ARHGAP42: variants seen among roughly 807,000 people sequenced by gnomAD.
The protein encoded by ARHGAP42 is Rho GTPase activating protein 42.
ARHGAP42 carries 63 observed loss-of-function variants against 125.0 expected under a neutral mutation model. The ratio of observed to expected loss-of-function variants is 0.50; its 90% CI spans 0.41 to 0.62. ARHGAP42 has a LOEUF of 0.62. Ranked by LOEUF, ARHGAP42 falls within the 20% of genes least tolerant of loss-of-function variation. The pLI, the probability that ARHGAP42 is intolerant of heterozygous loss-of-function variation, is 0.00. For missense variants in ARHGAP42, 766 were observed against 1,024.2 expected (o/e 0.75, Z 3.44); for synonymous variants, 339 against 351.0 (o/e 0.97, Z 0.38).
intron 5 of ARHGAP42, among the ~76,000 whole-genome samples, chr11:100,919,490 T>C (rs944033592): frequency 6.6e-6 from 1 of 151,938 alleles, no homozygotes; most frequent in African/African-American, 2.4e-5. Context: ...AAAAAAAACA[T>C]TTTAGACTCT....
chr11:100,857,089 GA>G (rs1357379157), intron 3 of ARHGAP42, among the ~76,000 whole-genome samples: 4 of 152,010 alleles, frequency 2.6e-5, no homozygotes, highest in Non-Finnish European at 5.9e-5. Context: ...TGACGCATTA[GA>G]AACACTCAAG....
intron 1 of ARHGAP42, among the ~76,000 whole-genome samples, chr11:100,711,944 A>C (rs1353371094): frequency 6.6e-6 from 1 of 152,258 alleles, no homozygotes; most frequent in Non-Finnish European, 1.5e-5. Flanking sequence ...GGCTAATTAA[A>C]GGTGTACTGA....
intron 3 of ARHGAP42, among the ~76,000 whole-genome samples, chr11:100,839,095 C>T (rs536480364): frequency 1.1e-4 from 16 of 152,156 alleles, no homozygotes; most frequent in African/African-American, 3.6e-4. Context: ...ATGGCAGCCT[C>T]GCATCCCTTC....
At chr11:100,813,287 A>G (rs535949690) in intron 3 of ARHGAP42, among the ~76,000 whole-genome samples, 5 of 152,242 alleles carry the variant, frequency 3.3e-5, no homozygotes, top group Non-Finnish European at 2.9e-5. Context: ...GAGGTACTCT[A>G]CTTCCCCTTA....
Position 100,738,987 on chromosome 11 carries a change from A to T in ARHGAP42, c.155-31356A>T, listed in dbSNP as rs1184248101. On this transcript the variant is annotated intron_variant, in intron 1 of 23. Transcript: ENST00000298815. ...AAAGAAAGCATGTATTTCAGAACTT[A>T]GGAAAAAAGCTGTTTGTTAAGCCCA... Among the ~76,000 whole-genome samples, 4 of 152,218 alleles carry T rather than the reference A, an allele frequency of 2.6e-5. No homozygotes were observed. The East Asian group carries it at 7.7e-4, about 29-fold the overall frequency.
At chr11:100,838,826 A>G (rs533260354) in intron 3 of ARHGAP42, among the ~76,000 whole-genome samples, 19 of 152,334 alleles carry the variant, frequency 1.2e-4, no homozygotes, top group Non-Finnish European at 2.6e-4. Context: ...AGTCATTGAC[A>G]GGGGCAAAAA....
chr11:100,849,820 G>C (rs1865160243), intron 3 of ARHGAP42, among the ~76,000 whole-genome samples: 2 of 152,142 alleles, frequency 1.3e-5, no homozygotes, highest in South Asian at 4.1e-4. Context: ...CATGTTTCCT[G>C]TGTTTATTTA....
intron 3 of ARHGAP42, among the ~76,000 whole-genome samples, chr11:100,819,514 C>T (rs889160141): frequency 6.6e-6 from 1 of 152,022 alleles, no homozygotes; most frequent in Non-Finnish European, 1.5e-5. Flanking sequence ...CTGAGTTTAG[C>T]TTGCAATGTT....
At chr11:100,826,899 C>T (rs966469750) in intron 3 of ARHGAP42, among the ~76,000 whole-genome samples, 6 of 151,416 alleles carry the variant, frequency 4.0e-5, no homozygotes, top group African/African-American at 1.2e-4. Flanking sequence ...AAGTTAATTA[C>T]ACAATTCTTT....
At chr11:100,979,930 A>G (rs1858488896) in intron 22 of ARHGAP42, among the ~76,000 whole-genome samples, 1 of 152,206 alleles carries the variant, frequency 6.6e-6, no homozygotes, top group Non-Finnish European at 1.5e-5. Flanking sequence ...ATTTAACCAA[A>G]TAATTTTTAT....
rs1858732614 is a variant in ARHGAP42 at position 100,988,099 on chromosome 11, G to A, written c.2536+507G>A. ...GCTGAGATGGCACCACTGCACTCCA[G>A]CCTGGCAACACAGCAAGACTCTGTC... On this transcript the variant is annotated intron_variant, in intron 23 of 23. Coordinates refer to ENST00000298815, the MANE Select transcript of ARHGAP42 (RefSeq NM_152432.4). Among the ~76,000 whole-genome samples, 2 of 152,144 alleles carry A rather than the reference G, an allele frequency of 1.3e-5. 1 individual carries two copies. Among genetic ancestry groups the A allele is most frequent in the South Asian group, 4.1e-4 (2 of 4,830 alleles).
intron 10 of ARHGAP42, 60 bp from the exon 11 acceptor site, chr11:100,948,397 T>TAAA: frequency 8.3e-7 from 1 of 1,199,498 alleles, no homozygotes; most frequent in Non-Finnish European, 1.1e-6. Flanking sequence ...TCTTTTTAGT[T>TAAA]AACTGAGAAT....
intron 5 of ARHGAP42, among the ~76,000 whole-genome samples, chr11:100,918,800 A>G (rs893092605): frequency 3.9e-5 from 6 of 152,194 alleles, no homozygotes; most frequent in South Asian, 2.1e-4. Context: ...GAAAACACCT[A>G]TAAGTGGCAA....
intron 1 of ARHGAP42, among the ~76,000 whole-genome samples, chr11:100,701,927 C>T (rs947096111): frequency 6.6e-6 from 1 of 151,914 alleles, no homozygotes; most frequent in Non-Finnish European, 1.5e-5. Flanking sequence ...CAACAGAGGC[C>T]TAGTTTTCGG....
chr11:100,709,489 T>C (rs1861527470), intron 1 of ARHGAP42, among the ~76,000 whole-genome samples: 1 of 152,198 alleles, frequency 6.6e-6, no homozygotes, highest in Non-Finnish European at 1.5e-5. Context: ...CAATATTTCA[T>C]TGTGATACTC....
At chr11:100,766,214 G>A (rs1191740260) in intron 1 of ARHGAP42, among the ~76,000 whole-genome samples, 1 of 138,504 alleles carries the variant, frequency 7.2e-6, no homozygotes, top group Non-Finnish European at 1.6e-5. Context: ...CAAATGGGAA[G>A]GATGTGGGGT....
chr11:100,821,799 A>G (rs1199920210), intron 3 of ARHGAP42, among the ~76,000 whole-genome samples: 1 of 152,104 alleles, frequency 6.6e-6, no homozygotes, highest in Non-Finnish European at 1.5e-5. Flanking sequence ...ATACTTTATT[A>G]TGACAACTGA....
At chr11:100,924,681 G>T (rs957767303) in intron 6 of ARHGAP42, among the ~76,000 whole-genome samples, 4 of 151,518 alleles carry the variant, frequency 2.6e-5, no homozygotes, top group African/African-American at 9.7e-5. Context: ...AATAAATAAG[G>T]AAATAAATAA....
At chr11:100,747,700 C>T (rs1262737832) in intron 1 of ARHGAP42, among the ~76,000 whole-genome samples, 8 of 152,136 alleles carry the variant, frequency 5.3e-5, no homozygotes, top group Non-Finnish European at 1.2e-4. Flanking sequence ...CTTATAATCC[C>T]GTTTACCAAA....
Sources: allele counts gnomAD v4.1 joint callset (sites outside exome capture counted in the v4.1 genomes callset), GRCh38; gene constraint gnomAD v4.1.1; transcripts MANE v1.5; gene names NCBI Gene and HGNC (gene_info 2026-07-23, HGNC 2026-07-21).